STX8: variants seen among roughly 807,000 people sequenced by gnomAD.
STX8 encodes syntaxin-8.
Under a neutral mutation model 37.5 loss-of-function variants are expected in STX8, and 23 were observed. The ratio of observed to expected loss-of-function variants is 0.61; its 90% CI spans 0.44 to 0.87. The LOEUF (loss-of-function observed/expected upper bound fraction) is 0.87, where lower values mean the gene tolerates loss of function less well. STX8 is among the 40% of genes least tolerant of loss of function. The pLI is 0.00. For synonymous variants in STX8, 115 were observed against 99.1 expected (o/e 1.16, Z -0.95); for missense variants, 313 against 284.7 (o/e 1.10, Z -0.71).
At chr17:9,458,349 C>T (rs1475407735) in intron 6 of STX8, among the ~76,000 whole-genome samples, 1 of 152,086 alleles carries the variant, frequency 6.6e-6, no homozygotes, top group Non-Finnish European at 1.5e-5. Flanking sequence ...TGGGGTTTCA[C>T]CGTGTCAGCC....
At chr17:9,280,627 T>C (rs1269243512) in intron 7 of STX8, among the ~76,000 whole-genome samples, 2 of 152,178 alleles carry the variant, frequency 1.3e-5, no homozygotes, top group Non-Finnish European at 2.9e-5. Context: ...GAACGACTTT[T>C]TGAAAATTCC....
At chr17:9,389,249 C>A (rs574637946) in intron 6 of STX8, among the ~76,000 whole-genome samples, 1 of 152,324 alleles carries the variant, frequency 6.6e-6, no homozygotes, top group African/African-American at 2.4e-5. Context: ...GCAGACCAGG[C>A]ACTACCAAGG....
chr17:9,435,478 T>G (rs1476398975), intron 6 of STX8, among the ~76,000 whole-genome samples: 1 of 152,196 alleles, frequency 6.6e-6, no homozygotes, highest in African/African-American at 2.4e-5. Context: ...CTTAACGATA[T>G]GCATGCTGAC....
At chr17:9,259,304 A>G (rs1274219092) in intron 7 of STX8, among the ~76,000 whole-genome samples, 1 of 152,220 alleles carries the variant, frequency 6.6e-6, no homozygotes, top group Non-Finnish European at 1.5e-5. Flanking sequence ...TCTCCCAACA[A>G]TAATTATTAC....
chr17:9,410,638 C>T (rs1429171292), intron 6 of STX8, among the ~76,000 whole-genome samples: 2 of 152,146 alleles, frequency 1.3e-5, no homozygotes, highest in South Asian at 2.1e-4. Context: ...TGTTCAAAAT[C>T]GGAATGGGTT....
intron 7 of STX8, among the ~76,000 whole-genome samples, chr17:9,318,608 G>T (rs141623886): frequency 6.6e-6 from 1 of 152,036 alleles, no homozygotes; most frequent in Non-Finnish European, 1.5e-5. Flanking sequence ...ATAAAAACAG[G>T]TCACAAACAA....
chr17:9,386,803 CCTT>C (rs1912029854), intron 6 of STX8, among the ~76,000 whole-genome samples: 1 of 152,108 alleles, frequency 6.6e-6, no homozygotes, highest in Admixed American at 6.6e-5. Context: ...ATTATAAAGT[CCTT>C]TATTCTGAGC....
chr17:9,304,507 C>CAAAAAAAAAAAAAAAAAAAA (rs35673905), intron 7 of STX8, among the ~76,000 whole-genome samples: 1 of 56,882 alleles, frequency 1.8e-5, no homozygotes, highest in African/African-American at 7.6e-5. Flanking sequence ...GAAACTGTCT[C>CAAAAAAAAAAAAAAAAAAAA]AAAAAAAAAA....
At position 9,305,601 on chromosome 17, in the gene STX8, G is replaced by A. The variant is rs193052320; in HGVS notation, c.644-54956C>T. The A allele has an allele frequency of 2.0e-5, 3 of 152,116 alleles. No homozygotes were observed. In the East Asian group the frequency reaches 5.8e-4, roughly 29 times the overall value. 9.4% of individuals were successfully genotyped at this position (152,116 alleles called of 1,614,324 possible). A position where few individuals can be genotyped will look rare whatever the true frequency, so the allele number is the denominator to read the frequency against. On this transcript the variant is annotated intron_variant, in intron 7 of 7. Coordinates refer to ENST00000306357, the MANE Select transcript of STX8 (RefSeq NM_004853.3). ...GGATGTAACTGCATTGTAAGTTGAG[G>A]AGCACCTCTATATGCACTTGATTTG... is the stretch of plus-strand genomic sequence containing the variant.
intron 6 of STX8, among the ~76,000 whole-genome samples, chr17:9,389,420 C>A (rs144681202): frequency 6.6e-6 from 1 of 152,310 alleles, no homozygotes; most frequent in Non-Finnish European, 1.5e-5. Flanking sequence ...TTTGGTTTCA[C>A]GAAGGAGCTT....
At chr17:9,349,123 C>T (rs1442965582) in intron 7 of STX8, among the ~76,000 whole-genome samples, 1 of 151,880 alleles carries the variant, frequency 6.6e-6, no homozygotes, top group Non-Finnish European at 1.5e-5. Context: ...TCCCGAGTAG[C>T]TGGGATTATA....
chr17:9,558,594 G>C lies in STX8; in HGVS notation c.118-1066C>G, dbSNP rs532766434. Among the ~76,000 whole-genome samples the C allele has an allele frequency of 3.3e-5, 5 of 152,356 alleles. No individual in the cohort carries two copies. In the South Asian group the frequency reaches 1.0e-3, roughly 32 times the overall value. On this transcript the variant is annotated intron_variant, in intron 2 of 7. Transcript: ENST00000306357. The stretch of plus-strand genomic sequence containing the variant: ...CTCACGCCTGTAATCCCAGCACTTT[G>C]GGAGGCCGAGGAGGGTGGATCACAA...
chr17:9,308,600 G>A (rs1209067117), intron 7 of STX8, among the ~76,000 whole-genome samples: 1 of 151,900 alleles, frequency 6.6e-6, no homozygotes, highest in Non-Finnish European at 1.5e-5. Flanking sequence ...GCGTACGCCT[G>A]TAGTCCCAGC....
chr17:9,533,845 T>G (rs971597996), intron 4 of STX8, among the ~76,000 whole-genome samples: 1 of 152,192 alleles, frequency 6.6e-6, no homozygotes, highest in Admixed American at 6.5e-5. Context: ...TTCCTTGTTA[T>G]CAGAACCTCA....
At chr17:9,503,148 T>C (rs1904688226) in intron 5 of STX8, among the ~76,000 whole-genome samples, 1 of 129,076 alleles carries the variant, frequency 7.7e-6, no homozygotes, top group Admixed American at 7.7e-5. Flanking sequence ...CTGATACACA[T>C]AACCAGTTCA....
intron 6 of STX8, among the ~76,000 whole-genome samples, chr17:9,428,125 A>C (rs1011988553): frequency 6.6e-6 from 1 of 152,160 alleles, no homozygotes; most frequent in Non-Finnish European, 1.5e-5. Context: ...CCATTTCTAA[A>C]AACTCTGAAT....
intron 7 of STX8, among the ~76,000 whole-genome samples, chr17:9,330,869 C>T (rs1018854679): frequency 2.6e-5 from 4 of 152,054 alleles, no homozygotes; most frequent in Non-Finnish European, 5.9e-5. Context: ...ATCCCGCTTA[C>T]ATCTTCAGAG....
intron 6 of STX8, among the ~76,000 whole-genome samples, chr17:9,431,972 T>C (rs181861768): frequency 1.4e-4 from 21 of 152,306 alleles, no homozygotes; most frequent in South Asian, 6.2e-4. Context: ...AATCTCCTTG[T>C]TTTCTAATAA....
intron 7 of STX8, among the ~76,000 whole-genome samples, chr17:9,358,186 C>T (rs945502865): frequency 6.6e-6 from 1 of 152,056 alleles, no homozygotes; most frequent in Non-Finnish European, 1.5e-5. Flanking sequence ...GACTTCATCT[C>T]TACCAAAAAA....
Sources: gnomAD v4.1 joint callset for allele counts (sites outside exome capture counted in the v4.1 genomes callset) on GRCh38, gnomAD v4.1.1 for gene constraint, MANE v1.5 for transcripts, NCBI Gene and HGNC (gene_info 2026-07-23, HGNC 2026-07-21) for gene names.